RBMXL2: variants seen among roughly 807,000 people sequenced by gnomAD.
RBMXL2 encodes the protein RNA-binding motif protein, X-linked-like-2.
A neutral mutation model predicts 1.0 loss-of-function variants in RBMXL2; 2 were observed. That is an observed-to-expected ratio of 2.05 (90% CI 0.84 to 6.44). The LOEUF (loss-of-function observed/expected upper bound fraction) is 6.44. Ranked by LOEUF, RBMXL2 falls within the 30% of genes most tolerant of loss-of-function variation. RBMXL2 has a pLI of 0.05. For missense variants in RBMXL2, 658 were observed against 608.5 expected (o/e 1.08, Z -0.85); for synonymous variants, 313 against 267.9 (o/e 1.17, Z -1.64).
Position 7,089,631 on chromosome 11 carries a change from C to A in RBMXL2, c.511C>A (p.Arg171Ser). Reference sequence around the variant, plus strand: ...GAGGGCCGCGCCGTCGGGCCCGGCTCGCAGCAGCGGCGGTGGAATGCGCGG... The same window carrying A: ...GAGGGCCGCGCCGTCGGGCCCGGCTAGCAGCAGCGGCGGTGGAATGCGCGG... ...PKRAAPSGPA[R>S]SSGGGMRGRA... Residue 171 changes from arginine (R) to serine (S), a missense_variant, in exon 1 of 1, where the codon CGC becomes AGC. Arg to Ser is a moderately radical substitution (Grantham distance 110). Transcript: ENST00000306904. The A allele has an allele frequency of 7.9e-7, 1 of 1,260,692 alleles. No individual in the cohort carries two copies. 78.1% of individuals were successfully genotyped at this position (1,260,692 alleles called of 1,614,324 possible). A position where few individuals can be genotyped will look rare whatever the true frequency, so the allele number is the denominator to read the frequency against.
chr11:7,089,296 C>A lies in RBMXL2; in HGVS notation c.176C>A (p.Pro59His), dbSNP rs779115850. The A allele has an allele frequency of 6.8e-6, 11 of 1,606,774 alleles. No homozygotes were observed. Among genetic ancestry groups the A allele is most frequent in the Non-Finnish European group, 8.5e-6 (10 of 1,176,616 alleles). Residue 59 changes from proline to histidine, a missense_variant, in exon 1 of 1, where the codon CCC becomes CAC. Physicochemically the swap from Pro to His is moderately conservative, Grantham distance 77. Coordinates refer to ENST00000306904, the MANE Select transcript of RBMXL2 (RefSeq NM_014469.5). ...TTCGCGTTCGTCACCTTTGAAAGCC[C>A]CGCAGACGCCAAGGCCGCCGCCAGA... ...RGFAFVTFES[P>H]ADAKAAARDM...
rs764408180 is a variant in RBMXL2 at position 7,090,179 on chromosome 11, C to T, written c.1059C>T (p.Ser353=). 17 of 1,613,672 alleles carry T rather than the reference C, an allele frequency of 1.1e-5. No individual in the cohort carries two copies. The highest frequency in any genetic ancestry group is 1.4e-5 in the Non-Finnish European group (16 of 1,179,958). ...GACCAGATCGTGGGCTCTCTCTGTC[C>T]ATGGAAAGGGGCTGCCCTCCCCAGC... ...VGRPDRGLSL[S]MERGCPPQRD... Residue 353 remains serine, a synonymous_variant, in exon 1 of 1, where the codon TCC becomes TCT. Coordinates refer to ENST00000306904, the MANE Select transcript of RBMXL2 (RefSeq NM_014469.5).
chr11:7,089,332 G>A lies in RBMXL2; in HGVS notation c.212G>A (p.Gly71Asp), dbSNP rs759417104. The A allele has an allele frequency of 1.2e-6, 2 of 1,607,694 alleles. No individual in the cohort carries two copies. Among genetic ancestry groups the A allele is most frequent in the Admixed American group, 1.7e-5 (1 of 59,462 alleles). Residue 71 changes from glycine (G) to aspartate (D), a missense_variant, in exon 1 of 1, where the codon GGC (glycine) becomes GAC (aspartate). Coordinates refer to ENST00000306904, the MANE Select transcript of RBMXL2 (RefSeq NM_014469.5). The stretch of plus-strand genomic sequence containing the variant: ...AAGGCCGCCGCCAGAGACATGAACG[G>A]CAAGTCCCTGGATGGTAAGGCCATC... ...DAKAAARDMN[G>D]KSLDGKAIKV...
Position 7,091,005 on chromosome 11 carries a change from A to C in RBMXL2, c.*706A>C, listed in dbSNP as rs1589886867. On this transcript the variant is annotated 3_prime_UTR_variant, in exon 1 of 1. Coordinates refer to ENST00000306904, the MANE Select transcript of RBMXL2 (RefSeq NM_014469.5). The stretch of plus-strand genomic sequence containing the variant: ...GAACAACAGTGGAATACTATATCAA[A>C]GGTTTGGCCAACCAACCACAAAGCT... 1 of 167,276 alleles carries C rather than the reference A, an allele frequency of 6.0e-6. No individual in the cohort carries two copies. Among genetic ancestry groups the C allele is most frequent in the African/African-American group, 2.4e-5 (1 of 41,596 alleles). The allele number at this position is 167,276 out of a possible 1,614,324, so 10.4% of individuals were successfully genotyped here.
At position 7,089,643 on chromosome 11, in the gene RBMXL2, G is replaced by A. The variant is rs1467818234; in HGVS notation, c.523G>A (p.Gly175Ser). 7.6e-6 allele frequency: 10 copies of A among 1,319,248 alleles called. No homozygotes were observed. Among genetic ancestry groups the A allele is most frequent in the African/African-American group, 1.6e-5 (1 of 63,954 alleles). The allele number at this position is 1,319,248 out of a possible 1,614,324, so 81.7% of individuals were successfully genotyped here. ...APSGPARSSGGGMRGRALAVR... is the reference protein window; with the variant it reads ...APSGPARSSGSGMRGRALAVR... ...GTCGGGCCCGGCTCGCAGCAGCGGC[G>A]GTGGAATGCGCGGGAGGGCCCTGGC... Residue 175 changes from glycine to serine, a missense_variant, in exon 1 of 1, where the codon GGT becomes AGT. Transcript: ENST00000306904.
rs1025171114 is a variant in RBMXL2, at chr11:7,091,016, A to G, written c.*717A>G. On this transcript the variant is annotated 3_prime_UTR_variant, in exon 1 of 1. Transcript: ENST00000306904. ...GAATACTATATCAAAGGTTTGGCCAACCAACCACAAAGCTACAAAACAAGC... is the reference window on the plus strand; with the variant it reads ...GAATACTATATCAAAGGTTTGGCCAGCCAACCACAAAGCTACAAAACAAGC... 1 of 167,250 alleles carries G rather than the reference A, an allele frequency of 6.0e-6. No homozygotes were observed. Among genetic ancestry groups the G allele is most frequent in the Non-Finnish European group, 1.5e-5 (1 of 68,150 alleles). 10.4% of individuals were successfully genotyped at this position (167,250 alleles called of 1,614,324 possible). A position where few individuals can be genotyped will look rare whatever the true frequency, so the allele number is the denominator to read the frequency against.
chr11:7,089,835 AC>A lies in RBMXL2; in HGVS notation c.718del (p.His240ThrfsTer15). 1 of 1,610,622 alleles carries A rather than the reference AC, an allele frequency of 6.2e-7. No homozygotes were observed. The highest frequency in any genetic ancestry group is 8.5e-7 in the Non-Finnish European group (1 of 1,179,734). On this transcript the variant is annotated frameshift_variant, in exon 1 of 1. Transcript: ENST00000306904. LOFTEE classifies it low-confidence loss of function (END_TRUNC). Reference sequence around the variant, plus strand: ...TTTTGCCCCCTCGCCCGGAGAGTACACCCACCGCGATTACGGCCACTCCAGT... The same window carrying A: ...TTTTGCCCCCTCGCCCGGAGAGTACACCACCGCGATTACGGCCACTCCAGT... ...RGFAPSPGEY[T>X]HRDYGHSSVR... is the part of the protein sequence containing the mutation.
rs138708788 is a variant in RBMXL2 at position 7,089,933 on chromosome 11, G to A, written c.813G>A (p.Gly271=). The A allele has an allele frequency of 7.4e-6, 12 of 1,612,900 alleles. No individual in the cohort carries two copies. The African/African-American group carries it at 1.2e-4, about 16-fold the overall frequency. The part of the protein sequence containing the change: ...DGYGGRDRDY[G]DHLSRGSHRE... Reference sequence around the variant, plus strand: ...ACGGAGGTCGCGACCGTGACTACGGGGATCATCTGAGCAGAGGCTCCCATC... The same window carrying A: ...ACGGAGGTCGCGACCGTGACTACGGAGATCATCTGAGCAGAGGCTCCCATC... Residue 271 remains glycine, a synonymous_variant, in exon 1 of 1, where the codon GGG becomes GGA. Transcript: ENST00000306904.
chr11:7,090,457 AG>A lies in RBMXL2; in HGVS notation c.*159del. 1.0e-6 allele frequency: 1 copy of A among 992,760 alleles called. No individual in the cohort carries two copies. Among genetic ancestry groups the A allele is most frequent in the Non-Finnish European group, 1.5e-6 (1 of 666,170 alleles). 61.5% of individuals were successfully genotyped at this position (992,760 alleles called of 1,614,324 possible). ...TCGTCTCCATTTTTATGCTTTTGGGAGAAAAAACTTAAAATTCGTTTAGTTT... is the reference window on the plus strand; with the variant it reads ...TCGTCTCCATTTTTATGCTTTTGGGAAAAAAACTTAAAATTCGTTTAGTTT... On this transcript the variant is annotated 3_prime_UTR_variant, in exon 1 of 1. Coordinates refer to ENST00000306904, the MANE Select transcript of RBMXL2 (RefSeq NM_014469.5).
Position 7,090,029 on chromosome 11 carries a change from A to C in RBMXL2, c.909A>C (p.Gly303=), listed in dbSNP as rs199683256. ...GACGGGGGACACCGCCATCTTACGG[A>C]GGAGGAGGCCGCTACGAGGAGTACC... ...APGRGTPPSY[G]GGGRYEEYRG... Residue 303 remains glycine, a synonymous_variant, in exon 1 of 1, where the codon GGA becomes GGC. Transcript: ENST00000306904. 1.2e-4 allele frequency: 194 copies of C among 1,612,998 alleles called. No individual in the cohort carries two copies. The highest frequency in any genetic ancestry group is 1.6e-4 in the Non-Finnish European group (189 of 1,179,886).
rs1853121234 is a variant in RBMXL2 at position 7,090,996 on chromosome 11, C to T, written c.*697C>T. On this transcript the variant is annotated 3_prime_UTR_variant, in exon 1 of 1. Coordinates refer to ENST00000306904, the MANE Select transcript of RBMXL2 (RefSeq NM_014469.5). ...CTATGTTTTGAACAACAGTGGAATA[C>T]TATATCAAAGGTTTGGCCAACCAAC... 6.0e-6 allele frequency: 1 copy of T among 167,286 alleles called. No individual in the cohort carries two copies. The highest frequency in any genetic ancestry group is 2.4e-5 in the African/African-American group (1 of 41,462). The allele number at this position is 167,286 out of a possible 1,614,324, so 10.4% of individuals were successfully genotyped here.
Position 7,090,415 on chromosome 11 carries a change from A to G in RBMXL2, c.*116A>G, listed in dbSNP as rs1354054803. 7.7e-7 allele frequency: 1 copy of G among 1,298,218 alleles called. No individual in the cohort carries two copies. Among genetic ancestry groups the G allele is most frequent in the East Asian group, 2.5e-5 (1 of 39,696 alleles). The allele number at this position is 1,298,218 out of a possible 1,614,324, so 80.4% of individuals were successfully genotyped here. ...AAGGAAGAGTTGTTTTTACCTTTTA[A>G]GAATTTCCTGTTAAGATCGTCTCCA... On this transcript the variant is annotated 3_prime_UTR_variant, in exon 1 of 1. Transcript: ENST00000306904.
Position 7,089,305 on chromosome 11 carries a change from C to T in RBMXL2, c.185C>T (p.Ala62Val). The change falls in exon 1 of 1, where the codon GCC becomes GTC. Residue 62 changes from alanine (A) to valine (V), a missense_variant. By Grantham distance (64) the Ala-to-Val change is moderately conservative. Transcript: ENST00000306904. Reference protein sequence around the residue: ...AFVTFESPADAKAAARDMNGK... With the variant: ...AFVTFESPADVKAAARDMNGK... ...GTCACCTTTGAAAGCCCCGCAGACG[C>T]CAAGGCCGCCGCCAGAGACATGAAC... The T allele has an allele frequency of 6.2e-7, 1 of 1,606,292 alleles. No homozygotes were observed. Among genetic ancestry groups the T allele is most frequent in the East Asian group, 2.2e-5 (1 of 44,502 alleles).
In RBMXL2 at chr11:7,089,093, C is replaced by A; in HGVS notation, c.-28C>A. The A allele has an allele frequency of 6.2e-7, 1 of 1,606,308 alleles. No homozygotes were observed. On this transcript the variant is annotated 5_prime_UTR_variant, in exon 1 of 1. Coordinates refer to ENST00000306904, the MANE Select transcript of RBMXL2 (RefSeq NM_014469.5). ...GGCGCCGCCTCACCGCCTCCCACCG[C>A]CACTGACCGACCGTTCGACCGGCAA...
rs908331305 is a variant in RBMXL2 at position 7,091,133 on chromosome 11, G to C, written c.*834G>C. Among the ~76,000 whole-genome samples, 1 of 152,196 alleles carries C rather than the reference G, an allele frequency of 6.6e-6. No individual in the cohort carries two copies. The highest frequency in any genetic ancestry group is 6.5e-5 in the Admixed American group (1 of 15,284). On this transcript the variant is annotated 3_prime_UTR_variant, in exon 1 of 1. Transcript: ENST00000306904. ...GAAAATAAATCAGTGGTCGACTTGG[G>C]GACCGTAATGGCTTCCATTCCTAAC... is the stretch of plus-strand genomic sequence containing the variant.
rs1305498703 is a variant in RBMXL2 at position 7,089,102 on chromosome 11, G to GAC, written c.-18_-17dup. 6.2e-6 allele frequency: 10 copies of GAC among 1,609,674 alleles called. No homozygotes were observed. Among genetic ancestry groups the GAC allele is most frequent in the Admixed American group, 1.7e-5 (1 of 59,536 alleles). On this transcript the variant is annotated 5_prime_UTR_variant, in exon 1 of 1. Transcript: ENST00000306904. ...TCACCGCCTCCCACCGCCACTGACC[G>GAC]ACCGTTCGACCGGCAAACATGGTTG...
In RBMXL2 at chr11:7,089,148, C is replaced by T. The variant is rs1348054322; in HGVS notation, c.28C>T (p.Leu10=). The part of the protein sequence containing the change: MVEADRPGK[L]FIGGLNLETD... ...GGTTGAAGCGGATCGCCCGGGGAAG[C>T]TGTTCATTGGGGGCCTCAACCTCGA... Residue 10 remains leucine (L), a synonymous_variant, in exon 1 of 1, where the codon CTG becomes TTG. Transcript: ENST00000306904. The T allele has an allele frequency of 2.5e-6, 4 of 1,614,026 alleles. No homozygotes were observed. The Admixed American group carries it at 5.0e-5, about 20-fold the overall frequency.
Position 7,089,238 on chromosome 11 carries a change from A to G in RBMXL2, c.118A>G (p.Met40Val). 6.2e-7 allele frequency: 1 copy of G among 1,612,756 alleles called. No homozygotes were observed. Among genetic ancestry groups the G allele is most frequent in the Non-Finnish European group, 8.5e-7 (1 of 1,179,392 alleles). The stretch of plus-strand genomic sequence containing the variant: ...TGGCCGCATCGTCGAGGTGCTCCTG[A>G]TGAAAGACCGAGAAACCAACAAGTC... ...KYGRIVEVLL[M>V]KDRETNKSRG... Residue 40 changes from methionine (M) to valine (V), a missense_variant, in exon 1 of 1, where the codon ATG becomes GTG. Physicochemically the swap from Met to Val is conservative, Grantham distance 21. Transcript: ENST00000306904.
rs1273380848 is a variant in RBMXL2, at chr11:7,089,714, G to A, written c.594G>A (p.Pro198=). The change falls in exon 1 of 1, where the codon CCG becomes CCA. Residue 198 remains proline, a synonymous_variant. Transcript: ENST00000306904. ...ACTCAGGCCCACCGCGCCGGGAGCCGCTGCCCCCGCGCCGCGACCCCTACC... is the reference window on the plus strand; with the variant it reads ...ACTCAGGCCCACCGCGCCGGGAGCCACTGCCCCCGCGCCGCGACCCCTACC... ...DGYSGPPRRE[P]LPPRRDPYLG... 36 of 1,512,300 alleles carry A rather than the reference G, an allele frequency of 2.4e-5. No individual in the cohort carries two copies. Among genetic ancestry groups the A allele is most frequent in the Non-Finnish European group, 3.0e-5 (34 of 1,131,512 alleles). 93.7% of individuals were successfully genotyped at this position (1,512,300 alleles called of 1,614,324 possible).
Sources: allele counts gnomAD v4.1 joint callset (sites outside exome capture counted in the v4.1 genomes callset), GRCh38; gene constraint gnomAD v4.1.1; transcripts MANE v1.5; gene names NCBI Gene and HGNC (gene_info 2026-07-23, HGNC 2026-07-21).